Variants in RPAP3 observed in about 807,000 individuals in gnomAD.
RPAP3 encodes the protein RNA polymerase II-associated protein 3.
A neutral mutation model predicts 88.8 loss-of-function variants in RPAP3; 58 were observed. The observed-to-expected ratio is 0.65, with a 90% confidence interval of 0.53 to 0.81. RPAP3 has a LOEUF of 0.81. Ranked by LOEUF, RPAP3 falls within the 40% of genes least tolerant of loss-of-function variation. The pLI is 0.00. For missense variants in RPAP3, 751 were observed against 764.3 expected, an observed-to-expected ratio of 0.98 and a Z score of 0.20; for synonymous variants, 255 against 259.9, an observed-to-expected ratio of 0.98 and a Z score of 0.18.
chr12:47,683,517 T>C (rs1026067408), intron 9 of RPAP3, among the ~76,000 whole-genome samples: 1 of 152,168 alleles, frequency 6.6e-6, no homozygotes, highest in Admixed American at 6.5e-5. Context: ...TAATTGCATG[T>C]TCTACTGTAC....
chr12:47,671,518 A>G (rs1938997298), intron 12 of RPAP3, among the ~76,000 whole-genome samples: 1 of 152,198 alleles, frequency 6.6e-6, no homozygotes, highest in African/African-American at 2.4e-5. Context: ...TATGACCCCA[A>G]TGGTAATAAA....
intron 9 of RPAP3, among the ~76,000 whole-genome samples, chr12:47,682,603 T>C (rs942072329): frequency 1.3e-5 from 2 of 152,050 alleles, no homozygotes; most frequent in Non-Finnish European, 1.5e-5. Flanking sequence ...AAAGTATGGC[T>C]TGTTAGAACT....
chr12:47,663,594 A>G lies in RPAP3; in HGVS notation c.1913-4T>C. 2.7e-6 allele frequency: 4 copies of G among 1,486,720 alleles called. No homozygotes were observed. The highest frequency in any genetic ancestry group is 3.6e-6 in the Non-Finnish European group (4 of 1,099,908). The allele number at this position is 1,486,720 out of a possible 1,614,324, so 92.1% of individuals were successfully genotyped here. A position where few individuals can be genotyped will look rare whatever the true frequency, so the allele number is the denominator to read the frequency against. ...TGATTAAATAATGCACGTGCAACTG[A>G]AAAAGAAAAAGAAATTCTCCATTTT... On this transcript the variant is annotated splice_polypyrimidine_tract_variant and splice_region_variant and intron_variant, in intron 16 of 16. Transcript: ENST00000005386.
Position 47,686,923 on chromosome 12 carries a change from G to C in RPAP3, c.865-16C>G, listed in dbSNP as rs1055692564. On this transcript the variant is annotated splice_polypyrimidine_tract_variant and intron_variant, in intron 8 of 16. Coordinates refer to ENST00000005386, the MANE Select transcript of RPAP3 (RefSeq NM_024604.3). Reference sequence around the variant, plus strand: ...ATCCATTCCCCTGTTATTTTGTAGAGAGATATGGAGAATAAAAAAAAAATT... The same window carrying C: ...ATCCATTCCCCTGTTATTTTGTAGACAGATATGGAGAATAAAAAAAAAATT... The C allele has an allele frequency of 1.3e-6, 2 of 1,502,916 alleles. No individual in the cohort carries two copies. Among genetic ancestry groups the C allele is most frequent in the African/African-American group, 2.8e-5 (2 of 70,414 alleles). 93.1% of individuals were successfully genotyped at this position (1,502,916 alleles called of 1,614,324 possible). A position where few individuals can be genotyped will look rare whatever the true frequency, so the allele number is the denominator to read the frequency against.
At position 47,676,612 on chromosome 12, in the gene RPAP3, C is replaced by T. The variant is rs571990578; in HGVS notation, c.1287+2881G>A. On this transcript the variant is annotated intron_variant, in intron 12 of 16. Transcript: ENST00000005386. ...TACAAACTACCGTCAGAGAATACTA[C>T]AAACACCTCTACGCAAATAAACTAG... Among the ~76,000 whole-genome samples the T allele has an allele frequency of 2.6e-5, 4 of 152,228 alleles. No individual in the cohort carries two copies. The East Asian group carries it at 7.7e-4, about 29-fold the overall frequency.
rs896302007 is a variant in RPAP3 at position 47,667,055 on chromosome 12, C to G, written c.1837G>C (p.Glu613Gln). The G allele has an allele frequency of 1.4e-5, 21 of 1,505,078 alleles. No homozygotes were observed. Among genetic ancestry groups the G allele is most frequent in the Non-Finnish European group, 1.9e-5 (21 of 1,128,398 alleles). The allele number at this position is 1,505,078 out of a possible 1,614,324, so 93.2% of individuals were successfully genotyped here. A position where few individuals can be genotyped will look rare whatever the true frequency, so the allele number is the denominator to read the frequency against. ...AGTTCAGAAAGTCTTTGTAAGATTT[C>G]AAAGATGAGTAATGGCTTTTCTTTC... is the stretch of plus-strand genomic sequence containing the variant. ...IEKEKPLLIFEILQRLSELKR... is the reference protein window; with the variant it reads ...IEKEKPLLIFQILQRLSELKR... The change falls in exon 16 of 17, where the codon GAA (glutamate) becomes CAA (glutamine). Residue 613 changes from glutamate (E) to glutamine (Q), a missense_variant. Transcript: ENST00000005386.
At chr12:47,705,748 T>A (rs943931285) in intron 1 of RPAP3, among the ~76,000 whole-genome samples, 1 of 152,120 alleles carries the variant, frequency 6.6e-6, no homozygotes, top group Admixed American at 6.5e-5. Context: ...CAGGCCCGGG[T>A]TGCGGGGGCG....
intron 9 of RPAP3, among the ~76,000 whole-genome samples, chr12:47,684,842 T>C (rs147001992): frequency 5.8e-4 from 88 of 152,320 alleles, no homozygotes; most frequent in African/African-American, 2.0e-3. Flanking sequence ...GCAATGATCT[T>C]CACTCTGACT....
chr12:47,702,676 T>C lies in RPAP3; in HGVS notation c.153+12A>G. 6.5e-7 allele frequency: 1 copy of C among 1,532,806 alleles called. No homozygotes were observed. The highest frequency in any genetic ancestry group is 1.3e-5 in the South Asian group (1 of 77,728). 95.0% of individuals were successfully genotyped at this position (1,532,806 alleles called of 1,614,324 possible). A position where few individuals can be genotyped will look rare whatever the true frequency, so the allele number is the denominator to read the frequency against. ...AGTTTTGGTGGATCTTAATTACGAATTCTTAATTTACCTCTTCAGGAACAC... is the reference window on the plus strand; with the variant it reads ...AGTTTTGGTGGATCTTAATTACGAACTCTTAATTTACCTCTTCAGGAACAC... On this transcript the variant is annotated intron_variant, in intron 2 of 16. Transcript: ENST00000005386.
intron 5 of RPAP3, among the ~76,000 whole-genome samples, chr12:47,693,803 C>T (rs1313535827): frequency 6.6e-6 from 1 of 152,142 alleles, no homozygotes; most frequent in Non-Finnish European, 1.5e-5. Context: ...AATCTAGAGA[C>T]ATTGCTGGAA....
At chr12:47,685,203 A>AC (rs1023883021) in intron 9 of RPAP3, among the ~76,000 whole-genome samples, 1 of 152,046 alleles carries the variant, frequency 6.6e-6, no homozygotes, top group African/African-American at 2.4e-5. Context: ...ACATGGCAAA[A>AC]CCCCATCTCT....
chr12:47,694,557 A>G (rs560977742), intron 5 of RPAP3, among the ~76,000 whole-genome samples: 16 of 152,242 alleles, frequency 1.1e-4, no homozygotes, highest in African/African-American at 3.4e-4. Context: ...TCCATAAAGA[A>G]GATAAGCTAC....
chr12:47,696,208 T>A, intron 5 of RPAP3, 68 bp downstream of exon 5: 1 of 1,289,676 alleles, frequency 7.8e-7, no homozygotes, highest in Non-Finnish European at 1.0e-6. Flanking sequence ...TATTCCACAC[T>A]TTTTTTTAAT....
intron 10 of RPAP3, among the ~76,000 whole-genome samples, chr12:47,680,227 C>A (rs1215621730): frequency 6.6e-6 from 1 of 152,096 alleles, no homozygotes; most frequent in Non-Finnish European, 1.5e-5. Flanking sequence ...CATGATTCCA[C>A]TTACATAGGA....
intron 3 of RPAP3, chr12:47,699,481 G>A (rs1939611200): frequency 6.6e-6 from 1 of 152,106 alleles, no homozygotes; most frequent in South Asian, 2.1e-4. Context: ...CTCTTATATT[G>A]GGACAATCCT....
rs1939334099 is a variant in RPAP3, at chr12:47,686,807, C to T, written c.965G>A (p.Arg322Lys). ...DGANALLPAN[R>K]AMAYLKIQKY... ...CTGAATCTTCAGATAGGCCATAGCT[C>T]TGTTAGCTGGAAGAAGGGCATTAGC... The change falls in exon 9 of 17, where the codon AGA becomes AAA. Residue 322 changes from arginine (R) to lysine (K), a missense_variant. Coordinates refer to ENST00000005386, the MANE Select transcript of RPAP3 (RefSeq NM_024604.3). 6.2e-7 allele frequency: 1 copy of T among 1,603,632 alleles called. No homozygotes were observed. The highest frequency in any genetic ancestry group is 1.7e-5 in the Admixed American group (1 of 57,400).
At chr12:47,676,378 G>A (rs147484704) in intron 12 of RPAP3, among the ~76,000 whole-genome samples, 3 of 151,972 alleles carry the variant, frequency 2.0e-5, no homozygotes, top group Non-Finnish European at 2.9e-5. Context: ...CTAGCAGAAG[G>A]CAAGAAGTAA....
chr12:47,667,225 A>G (rs1446661910), intron 15 of RPAP3, 145 bp from the exon 16 acceptor site: 2 of 376,088 alleles, frequency 5.3e-6, no homozygotes, highest in East Asian at 8.4e-5. Context: ...TGCCCAAATG[A>G]AGAGATTTAT....
rs747500555 is a variant in RPAP3, at chr12:47,670,168, T to A, written c.1465A>T (p.Ser489Cys). 31 of 1,613,998 alleles carry A rather than the reference T, an allele frequency of 1.9e-5. 2 individuals are homozygous for A. In the South Asian group the frequency reaches 3.4e-4, roughly 18 times the overall value. Residue 489 changes from serine to cysteine, a missense_variant, in exon 13 of 17, where the codon AGT (serine) becomes TGT (cysteine). Ser to Cys is a moderately radical substitution (Grantham distance 112). Coordinates refer to ENST00000005386, the MANE Select transcript of RPAP3 (RefSeq NM_024604.3). ...AATACTTTTGCTCTTGGAGTATCAC[T>A]TGTGGGAAAAAGGTCATCTTGGCTT... is the stretch of plus-strand genomic sequence containing the variant. ...NSSQDDLFPT[S>C]DTPRAKVLKI... is the part of the protein sequence containing the mutation.
Sources: gnomAD v4.1 joint callset for allele counts (sites outside exome capture counted in the v4.1 genomes callset) on GRCh38, gnomAD v4.1.1 for gene constraint, MANE v1.5 for transcripts, NCBI Gene and HGNC (gene_info 2026-07-23, HGNC 2026-07-21) for gene names.